Variants in RBPJ observed in about 807,000 individuals in gnomAD.
RBPJ encodes recombining binding protein suppressor of hairless.
RBPJ carries 9 observed loss-of-function variants against 67.8 expected under a neutral mutation model. The ratio of observed to expected loss-of-function variants is 0.13; its 90% CI spans 0.08 to 0.23. RBPJ has a LOEUF of 0.23. RBPJ is among the 10% of genes least tolerant of loss of function. The probability of loss-of-function intolerance (pLI) is 1.00; values close to 1 mark genes in which losing one functional copy is unlikely to be tolerated. For synonymous variants in RBPJ, 198 were observed against 203.3 expected (o/e 0.97, Z 0.22); for missense variants, 305 against 595.6 (o/e 0.51, Z 5.08).
chr4:26,211,598 C>A (rs991674062), intron 1 of RBPJ, among the ~76,000 whole-genome samples: 8 of 152,132 alleles, frequency 5.3e-5, no homozygotes, highest in East Asian at 1.9e-4. Context: ...TTATTGAGAG[C>A]CTTCGCACCA....
intron 1 of RBPJ, among the ~76,000 whole-genome samples, chr4:26,224,040 A>G (rs1719002314): frequency 6.6e-6 from 1 of 152,238 alleles, no homozygotes; most frequent in Non-Finnish European, 1.5e-5. Flanking sequence ...GAGAGAGTTT[A>G]GAAGAGTGCC....
At chr4:26,292,699 G>C (rs375513310) in intron 1 of RBPJ, among the ~76,000 whole-genome samples, 1 of 150,476 alleles carries the variant, frequency 6.6e-6, no homozygotes, top group Non-Finnish European at 1.5e-5. Flanking sequence ...CGGGATTACA[G>C]GTGCGAGCCA....
chr4:26,408,206 C>A (rs528711253), intron 3 of RBPJ, among the ~76,000 whole-genome samples: 1 of 152,140 alleles, frequency 6.6e-6, no homozygotes, highest in South Asian at 2.1e-4. Context: ...TTTTAATCCT[C>A]AAAGATGAAC....
intron 1 of RBPJ, among the ~76,000 whole-genome samples, chr4:26,323,390 G>A (rs1723289196): frequency 6.6e-6 from 1 of 152,152 alleles, no homozygotes; most frequent in Non-Finnish European, 1.5e-5. Context: ...TTTACCATTT[G>A]AGTTGCGTTT....
intron 1 of RBPJ, among the ~76,000 whole-genome samples, chr4:26,192,940 T>C (rs1717622250): frequency 6.6e-6 from 1 of 152,090 alleles, no homozygotes; most frequent in African/African-American, 2.4e-5. Flanking sequence ...ACAAGGGTCC[T>C]TATGAGTGAA....
intron 1 of RBPJ, among the ~76,000 whole-genome samples, chr4:26,240,744 A>C (rs1044305088): frequency 6.6e-6 from 1 of 152,132 alleles, no homozygotes; most frequent in Non-Finnish European, 1.5e-5. Flanking sequence ...TTCTTCTTGA[A>C]ATTTTCACAC....
intron 1 of RBPJ, among the ~76,000 whole-genome samples, chr4:26,365,888 G>T (rs969718083): frequency 3.3e-5 from 5 of 152,178 alleles, no homozygotes; most frequent in South Asian, 2.1e-4. Context: ...ATTAACCAAG[G>T]CTGTTTTATT....
At chr4:26,121,646 T>A in the RBPJ span, among the ~76,000 whole-genome samples, 2 of 152,246 alleles carry the variant, frequency 1.3e-5, no homozygotes, top group African/African-American at 2.4e-5. Context: ...CAGACGTAAT[T>A]ACTCTGTAAA....
chr4:26,347,100 G>A (rs557561200), intron 1 of RBPJ, among the ~76,000 whole-genome samples: 37 of 152,282 alleles, frequency 2.4e-4, no homozygotes, highest in African/African-American at 7.5e-4. Context: ...AAATGAGATG[G>A]CCTTGAGGTA....
chr4:26,349,065 C>G lies in RBPJ; in HGVS notation c.20+28017C>G, dbSNP rs577154960. 4.0e-5 allele frequency among the ~76,000 whole-genome samples: 6 copies of G among 150,292 alleles called. No homozygotes were observed. The East Asian group carries it at 1.2e-3, about 30-fold the overall frequency. Reference sequence around the variant, plus strand: ...TAATGGCAGGAACTCATTTTATCATCACAAGTTTGTGTGTGTGTGTGTGCG... The same window carrying G: ...TAATGGCAGGAACTCATTTTATCATGACAAGTTTGTGTGTGTGTGTGTGCG... On this transcript the variant is annotated intron_variant, in intron 1 of 10. Transcript: ENST00000355476.
Position 26,264,437 on chromosome 4 carries a change from C to A in RBPJ, c.-166-98009C>A, listed in dbSNP as rs577609214. 6.6e-6 allele frequency among the ~76,000 whole-genome samples: 1 copy of A among 152,144 alleles called. No individual in the cohort carries two copies. The highest frequency in any genetic ancestry group is 1.5e-5 in the Non-Finnish European group (1 of 68,018). Reference sequence around the variant, plus strand: ...TTCTTTGCCTCCTACATATTGTAGCCATAGTGATCTTCGTAAACTGTCCAT... The same window carrying A: ...TTCTTTGCCTCCTACATATTGTAGCAATAGTGATCTTCGTAAACTGTCCAT... On this transcript the variant is annotated intron_variant, in intron 1 of 4. Coordinates refer to the RBPJ transcript ENST00000512351. The surrounding 1 kb of genome is among the most constrained non-coding windows in gnomAD (Gnocchi z 4.1).
intron 1 of RBPJ, among the ~76,000 whole-genome samples, chr4:26,176,231 C>A (rs1440855230): frequency 6.6e-6 from 1 of 152,184 alleles, no homozygotes; most frequent in Non-Finnish European, 1.5e-5. Context: ...CTCAGAAACA[C>A]CCCACTGAAG....
chr4:26,307,030 A>G (rs1176739957), intron 1 of RBPJ, among the ~76,000 whole-genome samples: 1 of 152,172 alleles, frequency 6.6e-6, no homozygotes, highest in Non-Finnish European at 1.5e-5. Context: ...CTATCAGTTT[A>G]TAATAATAAA....
chr4:26,183,297 G>C lies in RBPJ; in HGVS notation c.-167+19683G>C, dbSNP rs528314803. ...TTTTCAGCTCCATTATAATTTGATG[G>C]GACCACCCTCATATATGTGGCCCAT... On this transcript the variant is annotated intron_variant, in intron 1 of 4. Transcript: ENST00000512351. Among the ~76,000 whole-genome samples the C allele has an allele frequency of 7.2e-5, 11 of 152,262 alleles. No individual in the cohort carries two copies. The East Asian group carries it at 2.1e-3, about 29-fold the overall frequency.
At chr4:26,224,701 T>C (rs1186855317) in intron 1 of RBPJ, among the ~76,000 whole-genome samples, 1 of 152,164 alleles carries the variant, frequency 6.6e-6, no homozygotes, top group African/African-American at 2.4e-5. Context: ...TAACATGAGC[T>C]TCTACTGAAG....
chr4:26,410,042 G>A (rs917797625), intron 3 of RBPJ: 4 of 454,972 alleles, frequency 8.8e-6, no homozygotes, highest in African/African-American at 8.0e-5. Flanking sequence ...TAAAAAACAG[G>A]TGTTAGTAGT....
At chr4:26,351,108 G>A (rs1726751414) in intron 1 of RBPJ, among the ~76,000 whole-genome samples, 1 of 151,920 alleles carries the variant, frequency 6.6e-6, no homozygotes, top group South Asian at 2.1e-4. Context: ...TGGGTTACCT[G>A]AAAAAATTAC....
intron 1 of RBPJ, among the ~76,000 whole-genome samples, chr4:26,322,630 G>A (rs1366911077): frequency 6.6e-6 from 1 of 150,852 alleles, no homozygotes; most frequent in Non-Finnish European, 1.5e-5. Flanking sequence ...TTAATCAAAT[G>A]CAGTTAAAAA....
At chr4:26,316,619 T>TATATATACACATATTG (rs1722644938), upstream of RBPJ, among the ~76,000 whole-genome samples, 1 of 144,052 alleles carries the variant, frequency 6.9e-6, no homozygotes, top group Non-Finnish European at 1.5e-5. Context: ...CATATTGATA[T>TATATATACACATATTG]ATATATACAC....
Sources: gnomAD v4.1 joint callset for allele counts (sites outside exome capture counted in the v4.1 genomes callset) on GRCh38, gnomAD v4.1.1 for gene constraint, Gnocchi (gnomAD v3.1) non-coding constraint, MANE v1.5 for transcripts, NCBI Gene and HGNC (gene_info 2026-07-23, HGNC 2026-07-21) for gene names.